TMEM41B: variants seen among roughly 807,000 people sequenced by gnomAD.
The protein encoded by TMEM41B is protein stasimon.
TMEM41B carries 18 observed loss-of-function variants against 31.9 expected under a neutral mutation model. The observed-to-expected ratio is 0.56, with a 90% confidence interval of 0.39 to 0.84. The LOEUF is 0.84. TMEM41B is among the 40% of genes least tolerant of loss of function. The pLI, the probability that TMEM41B is intolerant of heterozygous loss-of-function variation, is 0.00. For missense variants in TMEM41B, 322 were observed against 348.0 expected, an observed-to-expected ratio of 0.93 and a Z score of 0.59; for synonymous variants, 144 against 124.3, an observed-to-expected ratio of 1.16 and a Z score of -1.05.
At chr11:9,314,214 G>GC (rs879335899) in intron 1 of TMEM41B, 107 bp downstream of exon 1, 4 of 1,351,532 alleles carry the variant, frequency 3.0e-6, no homozygotes, top group South Asian at 3.0e-5. Context: ...GCGCCAGCAG[G>GC]CCCCCCTCTT....
chr11:9,294,555 G>A (rs1317529713), intron 3 of TMEM41B, among the ~76,000 whole-genome samples: 1 of 151,040 alleles, frequency 6.6e-6, no homozygotes, highest in Non-Finnish European at 1.5e-5. Flanking sequence ...AGTAAATTAC[G>A]TCTTTCATTA....
chr11:9,306,717 T>C (rs566400724), intron 1 of TMEM41B, among the ~76,000 whole-genome samples: 20 of 152,294 alleles, frequency 1.3e-4, no homozygotes, highest in African/African-American at 4.8e-4. Context: ...ATCACGCTCT[T>C]GGCCTACAAG....
Position 9,295,306 on chromosome 11 carries a change from G to T in TMEM41B, c.321C>A (p.Asp107Glu), listed in dbSNP as rs1324542444. ...CTACAAGTACTTGAACATAAAAGGT[G>T]TCCTTGTATTTGGATAAAACTTTTC... ...ALGKVLSKYK[D>E]TFYVQVLVAY... The change falls in exon 3 of 7, where the codon GAC becomes GAA. Residue 107 changes from aspartate (D) to glutamate (E), a missense_variant. Physicochemically the swap from Asp to Glu is conservative, Grantham distance 45. Around this residue, in one of 3 missense-constraint regions of TMEM41B, gnomAD observed 183 missense variants for 175.3 expected, o/e 1.04. Transcript: ENST00000528080. 1.3e-6 allele frequency: 2 copies of T among 1,592,056 alleles called. No homozygotes were observed. Among genetic ancestry groups the T allele is most frequent in the South Asian group, 1.1e-5 (1 of 89,068 alleles).
intron 1 of TMEM41B, among the ~76,000 whole-genome samples, chr11:9,303,831 C>T (rs185920759): frequency 6.6e-6 from 1 of 151,690 alleles, no homozygotes; most frequent in Non-Finnish European, 1.5e-5. Flanking sequence ...CGAGGATCAA[C>T]TAATTTTTGT....
chr11:9,296,897 T>C (rs947432434), intron 2 of TMEM41B, among the ~76,000 whole-genome samples: 11 of 152,190 alleles, frequency 7.2e-5, no homozygotes, highest in African/African-American at 1.4e-4. Context: ...TTGTGTTTCA[T>C]GCATATTATG....
At chr11:9,292,074 G>A (rs1477186542) in intron 3 of TMEM41B, among the ~76,000 whole-genome samples, 2 of 152,104 alleles carry the variant, frequency 1.3e-5, no homozygotes, top group Admixed American at 6.6e-5. Flanking sequence ...ATTCCTTATT[G>A]TCCTAAAGAC....
chr11:9,300,953 A>G (rs547462585), intron 1 of TMEM41B, among the ~76,000 whole-genome samples: 1 of 152,188 alleles, frequency 6.6e-6, no homozygotes, highest in South Asian at 2.1e-4. Context: ...AAAGTACGGG[A>G]CTGTTTTCCC....
intron 1 of TMEM41B, among the ~76,000 whole-genome samples, chr11:9,303,898 C>T (rs561125800): frequency 1.1e-4 from 16 of 152,220 alleles, no homozygotes; most frequent in African/African-American, 3.1e-4. Context: ...GAACTCCTGA[C>T]GTCAGGTGAT....
chr11:9,299,588 T>G lies in TMEM41B; in HGVS notation c.235A>C (p.Ser79Arg), dbSNP rs771523989. 6.3e-7 allele frequency: 1 copy of G among 1,595,158 alleles called. No individual in the cohort carries two copies. The change falls in exon 2 of 7, where the codon AGT (serine) becomes CGT (arginine). Residue 79 changes from serine to arginine, a missense_variant. Ser to Arg is a moderately radical substitution (Grantham distance 110). Around this residue, in one of 3 missense-constraint regions of TMEM41B, gnomAD observed 183 missense variants for 175.3 expected, o/e 1.04. Coordinates refer to ENST00000528080, the MANE Select transcript of TMEM41B (RefSeq NM_015012.4). ...FLVYKNFPQL[S>R]EEERVNMKVP... ...TTTATCTCTCAGTATACTTACTCAC[T>G]AAGCTGAGGAAAATTTTTATATACC...
chr11:9,293,739 C>T (rs542597928), intron 3 of TMEM41B, among the ~76,000 whole-genome samples: 5 of 152,136 alleles, frequency 3.3e-5, no homozygotes, highest in South Asian at 2.1e-4. Flanking sequence ...GCAATCACCA[C>T]GCCCAGCTAA....
chr11:9,283,666 C>T, intron 6 of TMEM41B, 73 bp from the exon 7 acceptor site: 1 of 1,338,510 alleles, frequency 7.5e-7, no homozygotes. Context: ...GTTCTGTGTG[C>T]ATAAAGTTTC....
intron 1 of TMEM41B, among the ~76,000 whole-genome samples, chr11:9,301,408 A>G (rs909120987): frequency 1.3e-5 from 2 of 152,202 alleles, no homozygotes; most frequent in Non-Finnish European, 2.9e-5. Context: ...TATTATTTTT[A>G]GTTCCCTTAG....
rs1852779439 is a variant in TMEM41B, at chr11:9,283,918, G to C, written c.707-325C>G. On this transcript the variant is annotated intron_variant, in intron 6 of 6. Coordinates refer to ENST00000528080, the MANE Select transcript of TMEM41B (RefSeq NM_015012.4). Reference sequence around the variant, plus strand: ...TCCTGCCTCAGCCTCCCGAGTAGCTGGGATTACAGGCATGTGCCACCACAC... The same window carrying C: ...TCCTGCCTCAGCCTCCCGAGTAGCTCGGATTACAGGCATGTGCCACCACAC... Among the ~76,000 whole-genome samples, 11 of 151,980 alleles carry C rather than the reference G, an allele frequency of 7.2e-5. No individual in the cohort carries two copies. The South Asian group carries it at 2.3e-3, about 32-fold the overall frequency.
At chr11:9,286,642 A>G (rs766510159) in intron 5 of TMEM41B, 49 bp from the exon 6 acceptor site, 16 of 1,544,894 alleles carry the variant, frequency 1.0e-5, no homozygotes, top group Non-Finnish European at 1.4e-5. Flanking sequence ...CAACTTCAAA[A>G]TAAGTTGCTT....
In TMEM41B at chr11:9,299,708, G is replaced by C. The variant is rs747834549; in HGVS notation, c.122-7C>G. 3 of 1,555,032 alleles carry C rather than the reference G, an allele frequency of 1.9e-6. No individual in the cohort carries two copies. The highest frequency in any genetic ancestry group is 1.8e-5 in the Admixed American group (1 of 54,646). ...GCTTCTACCCAGGATTTTTCTGGAA[G>C]AAAAAAGAAAGTATAATTAAGATAA... is the stretch of plus-strand genomic sequence containing the variant. On this transcript the variant is annotated splice_polypyrimidine_tract_variant and splice_region_variant and intron_variant, in intron 1 of 6. Transcript: ENST00000528080.
chr11:9,294,004 A>G (rs151123593), intron 3 of TMEM41B, among the ~76,000 whole-genome samples: 2 of 151,932 alleles, frequency 1.3e-5, no homozygotes, highest in African/African-American at 4.8e-5. Context: ...AGCCCAGACA[A>G]CATAGCAAAA....
In TMEM41B at chr11:9,295,546, G is replaced by C. The variant is rs140639494; in HGVS notation, c.240-159C>G. Among the ~76,000 whole-genome samples the C allele has an allele frequency of 3.0e-4, 46 of 152,216 alleles. No homozygotes were observed. In the East Asian group the frequency reaches 6.9e-3, roughly 23 times the overall value. On this transcript the variant is annotated intron_variant, in intron 2 of 6. Coordinates refer to ENST00000528080, the MANE Select transcript of TMEM41B (RefSeq NM_015012.4). Reference sequence around the variant, plus strand: ...TTTAAAAGTTTATAATTTTTCTTTTGTTTTGAGACATAGAGTCTTGCTCTG... The same window carrying C: ...TTTAAAAGTTTATAATTTTTCTTTTCTTTTGAGACATAGAGTCTTGCTCTG...
intron 3 of TMEM41B, among the ~76,000 whole-genome samples, chr11:9,288,969 A>C (rs911742644): frequency 1.3e-5 from 2 of 152,250 alleles, no homozygotes; most frequent in African/African-American, 4.8e-5. Context: ...AAAGAAAATA[A>C]GAAAAATAAG....
chr11:9,294,714 A>G (rs1853043759), intron 3 of TMEM41B, among the ~76,000 whole-genome samples: 1 of 152,110 alleles, frequency 6.6e-6, no homozygotes, highest in Non-Finnish European at 1.5e-5. Flanking sequence ...AAAATGTAAT[A>G]TATTTCTATA....
Sources: gnomAD v4.1 joint callset for allele counts (sites outside exome capture counted in the v4.1 genomes callset) on GRCh38, gnomAD v4.1.1 for gene constraint, gnomAD v4.1.1 regional missense constraint, MANE v1.5 for transcripts, NCBI Gene and HGNC (gene_info 2026-07-23, HGNC 2026-07-21) for gene names.